BRINP3: variants seen among roughly 807,000 people sequenced by gnomAD.
BRINP3 encodes the protein BMP/retinoic acid-inducible neural-specific protein 3.
In BRINP3, 19 loss-of-function variants were observed where a neutral mutation model predicts 71.0. The observed-to-expected ratio is 0.27, with a 90% CI of 0.19 to 0.39. The LOEUF is 0.39. Ranked by LOEUF, BRINP3 falls within the 10% of genes least tolerant of loss-of-function variation. BRINP3 has a pLI of 1.00. For synonymous variants in BRINP3, 380 were observed against 337.7 expected, an observed-to-expected ratio of 1.13 and a Z score of -1.37; for missense variants, 959 against 940.8, an observed-to-expected ratio of 1.02 and a Z score of -0.25.
intron 2 of BRINP3, among the ~76,000 whole-genome samples, chr1:190,401,995 A>T: frequency 6.6e-6 from 1 of 151,992 alleles, no homozygotes; most frequent in East Asian, 1.9e-4. Context: ...GAACAACTAT[A>T]TATATATTTC....
At chr1:190,452,600 T>G (rs949962766) in intron 2 of BRINP3, among the ~76,000 whole-genome samples, 2 of 152,192 alleles carry the variant, frequency 1.3e-5, no homozygotes, top group Non-Finnish European at 1.5e-5. Flanking sequence ...GGCTCACGCC[T>G]GTAATCCCAG....
At chr1:190,263,102 T>G (rs572177660) in intron 4 of BRINP3, among the ~76,000 whole-genome samples, 26 of 152,282 alleles carry the variant, frequency 1.7e-4, no homozygotes, top group African/African-American at 6.3e-4. Flanking sequence ...AGCTATATAA[T>G]AAAATCATTT....
intron 1 of BRINP3, among the ~76,000 whole-genome samples, chr1:190,461,496 C>T (rs990152956): frequency 6.6e-6 from 1 of 152,134 alleles, no homozygotes; most frequent in Non-Finnish European, 1.5e-5. Flanking sequence ...CATGTTTGCC[C>T]TATTTCCCTG....
At chr1:190,107,349 C>G (rs1652262365) in intron 7 of BRINP3, among the ~76,000 whole-genome samples, 1 of 151,864 alleles carries the variant, frequency 6.6e-6, no homozygotes, top group Non-Finnish European at 1.5e-5. Context: ...TGTTACCCTC[C>G]TAAATATGTC....
chr1:190,161,394 A>C (rs1650935265), intron 6 of BRINP3, among the ~76,000 whole-genome samples: 1 of 151,492 alleles, frequency 6.6e-6, no homozygotes, highest in South Asian at 2.1e-4. Flanking sequence ...TTAAATATAA[A>C]ATTTTAGATT....
intron 7 of BRINP3, among the ~76,000 whole-genome samples, chr1:190,144,882 T>C (rs1655755584): frequency 6.6e-6 from 1 of 152,182 alleles, no homozygotes; most frequent in South Asian, 2.1e-4. Flanking sequence ...AACATGCTGC[T>C]GTTCAGTCGG....
At chr1:190,206,116 T>C (rs1261914856) in intron 6 of BRINP3, among the ~76,000 whole-genome samples, 1 of 152,052 alleles carries the variant, frequency 6.6e-6, no homozygotes, top group Admixed American at 6.6e-5. Flanking sequence ...CAGTACACCG[T>C]TGCCAAATTA....
chr1:190,206,526 A>G (rs1655517054), intron 6 of BRINP3, among the ~76,000 whole-genome samples: 1 of 152,090 alleles, frequency 6.6e-6, no homozygotes, highest in South Asian at 2.1e-4. Flanking sequence ...GACTCTTACT[A>G]AGAGCAGTCT....
rs566192926 is a variant in BRINP3 at position 190,130,098 on chromosome 1, T to A, written c.1184+30570A>T. 9.9e-5 allele frequency among the ~76,000 whole-genome samples: 15 copies of A among 152,080 alleles called. No homozygotes were observed. In the South Asian group the frequency reaches 2.9e-3, roughly 29 times the overall value. On this transcript the variant is annotated intron_variant, in intron 7 of 7. Coordinates refer to ENST00000367462, the MANE Select transcript of BRINP3 (RefSeq NM_199051.3). ...TATCAATTTGGCTTCTACAAAAAAA[T>A]TTGTCTGACTTTTGATGTGTTTCTT...
At chr1:190,231,441 G>A (rs1339073428) in intron 5 of BRINP3, among the ~76,000 whole-genome samples, 2 of 151,592 alleles carry the variant, frequency 1.3e-5, no homozygotes, top group African/African-American at 4.8e-5. Flanking sequence ...TAGCTAATAT[G>A]GAAAAGTGCT....
intron 6 of BRINP3, among the ~76,000 whole-genome samples, chr1:190,198,152 A>G (rs1310876649): frequency 1.3e-5 from 2 of 151,492 alleles, no homozygotes; most frequent in Non-Finnish European, 3.0e-5. Context: ...TCTGTGACAT[A>G]AGGAACCAAG....
chr1:190,476,619 A>G (rs528889649), intron 1 of BRINP3, among the ~76,000 whole-genome samples: 2 of 152,336 alleles, frequency 1.3e-5, no homozygotes, highest in East Asian at 3.9e-4. Flanking sequence ...GGGGGCAGAC[A>G]AGTATGAAGA....
At chr1:190,137,029 T>C (rs941175883) in intron 7 of BRINP3, among the ~76,000 whole-genome samples, 1 of 152,132 alleles carries the variant, frequency 6.6e-6, no homozygotes, top group Non-Finnish European at 1.5e-5. Flanking sequence ...TAGGTATCAC[T>C]GTTCCCCAAT....
At chr1:190,448,796 T>A (rs564661691) in intron 2 of BRINP3, among the ~76,000 whole-genome samples, 1 of 151,956 alleles carries the variant, frequency 6.6e-6, no homozygotes, top group Admixed American at 6.6e-5. Context: ...GTCACCTTGT[T>A]TCAAGTTTGA....
chr1:190,109,005 T>C (rs1380814177), intron 7 of BRINP3, among the ~76,000 whole-genome samples: 2 of 152,188 alleles, frequency 1.3e-5, no homozygotes. Context: ...CGTAAGTTTT[T>C]TCCTTAGTGT....
At chr1:190,128,673 A>G (rs1557991312) in intron 7 of BRINP3, among the ~76,000 whole-genome samples, 1 of 151,858 alleles carries the variant, frequency 6.6e-6, no homozygotes, top group Non-Finnish European at 1.5e-5. Context: ...ATTAATTCCT[A>G]TTTGATATTT....
chr1:190,443,058 G>T (rs1392161223), intron 2 of BRINP3, among the ~76,000 whole-genome samples: 1 of 151,708 alleles, frequency 6.6e-6, no homozygotes, highest in South Asian at 2.1e-4. Flanking sequence ...GACTATGGGC[G>T]TGCGCCACTG....
intron 2 of BRINP3, among the ~76,000 whole-genome samples, chr1:190,412,750 G>A (rs1672775015): frequency 6.6e-6 from 1 of 151,952 alleles, no homozygotes; most frequent in Admixed American, 6.6e-5. Flanking sequence ...GCGTGAGTAT[G>A]TAGTACTTTA....
At chr1:190,242,610 AT>A (rs1558100227) in intron 4 of BRINP3, among the ~76,000 whole-genome samples, 1 of 152,068 alleles carries the variant, frequency 6.6e-6, no homozygotes, top group South Asian at 2.1e-4. Context: ...TAATAAACCA[AT>A]TTTTTAAAAA....
Sources: gnomAD v4.1 joint callset for allele counts (sites outside exome capture counted in the v4.1 genomes callset) on GRCh38, gnomAD v4.1.1 for gene constraint, MANE v1.5 for transcripts, NCBI Gene and HGNC (gene_info 2026-07-23, HGNC 2026-07-21) for gene names.